PPFIBP2: variants seen among roughly 807,000 people sequenced by gnomAD.
The protein encoded by PPFIBP2 is PPFIB scaffold protein 2, also known as liprin-beta-2.
In PPFIBP2, 118 loss-of-function variants were observed where a neutral mutation model predicts 118.3. The ratio of observed to expected loss-of-function variants is 1.00; its 90% CI spans 0.86 to 1.16. The LOEUF (loss-of-function observed/expected upper bound fraction) is 1.16. PPFIBP2 is among the 50% of genes most tolerant of loss of function. PPFIBP2 has a pLI of 0.00. For missense variants in PPFIBP2, 1,195 were observed against 1,073.1 expected (o/e 1.11, Z -1.59); for synonymous variants, 414 against 397.4 (o/e 1.04, Z -0.50).
rs372507508 is a variant in PPFIBP2 at position 7,569,926 on chromosome 11, C to G, written c.279+4159C>G. On this transcript the variant is annotated intron_variant, in intron 3 of 23. Coordinates refer to ENST00000299492, the MANE Select transcript of PPFIBP2 (RefSeq NM_003621.5). ...TGTGGTTATTTCAGTTCAGGAGCCC[C>G]AGAACCCCACAGGTGGTCCTGAAGC... 6.6e-5 allele frequency among the ~76,000 whole-genome samples: 10 copies of G among 152,276 alleles called. No individual in the cohort carries two copies. The South Asian group carries it at 2.1e-3, about 32-fold the overall frequency.
chr11:7,642,482 C>G, intron 17 of PPFIBP2, 56 bp downstream of exon 17: 1 of 1,556,554 alleles, frequency 6.4e-7, no homozygotes, highest in Non-Finnish European at 8.7e-7. Context: ...AAGTATCTCC[C>G]TTCAAACCTG....
intron 5 of PPFIBP2, among the ~76,000 whole-genome samples, chr11:7,604,974 G>A (rs1162673638): frequency 6.6e-6 from 1 of 152,226 alleles, no homozygotes; most frequent in Non-Finnish European, 1.5e-5. Context: ...TTATCAAGTT[G>A]TATGGGAATG....
intron 14 of PPFIBP2, among the ~76,000 whole-genome samples, chr11:7,636,030 T>C (rs560601649): frequency 6.6e-6 from 1 of 152,172 alleles, no homozygotes; most frequent in Admixed American, 6.5e-5. Flanking sequence ...GGACTGATCT[T>C]CTCCAGGGAA....
chr11:7,587,467 C>T (rs1020749511), intron 3 of PPFIBP2, among the ~76,000 whole-genome samples: 2 of 152,200 alleles, frequency 1.3e-5, no homozygotes, highest in Admixed American at 6.5e-5. Flanking sequence ...CCTTTTGAGA[C>T]AAATGTATTA....
intron 1 of PPFIBP2, among the ~76,000 whole-genome samples, chr11:7,524,952 A>G (rs1450002500): frequency 6.6e-6 from 1 of 152,170 alleles, no homozygotes; most frequent in African/African-American, 2.4e-5. Context: ...TGGTTCTTGG[A>G]TGCATGTGCT....
At chr11:7,544,616 T>C (rs1035681703) in intron 1 of PPFIBP2, among the ~76,000 whole-genome samples, 1 of 151,664 alleles carries the variant, frequency 6.6e-6, no homozygotes, top group African/African-American at 2.4e-5. Flanking sequence ...CTACTAAAAA[T>C]ACAGAAAATT....
intron 1 of PPFIBP2, among the ~76,000 whole-genome samples, chr11:7,524,554 C>G (rs541440680): frequency 3.3e-5 from 5 of 152,282 alleles, no homozygotes; most frequent in South Asian, 2.1e-4. Flanking sequence ...AGTAAAGACA[C>G]TTTTGAAGGT....
At position 7,630,807 on chromosome 11, in the gene PPFIBP2, T is replaced by TA. The variant is rs1850652836; in HGVS notation, c.965-118_965-117insA. ...TTCAGAATCACACTCTTACTGTCCC[T>TA]TTATATATTTCTTAGTCCTTCTTAA... On this transcript the variant is annotated intron_variant, in intron 10 of 23. Transcript: ENST00000299492. The TA allele has an allele frequency of 1.0e-5, 8 of 764,954 alleles. No individual in the cohort carries two copies. In the Admixed American group the frequency reaches 1.5e-4, roughly 15 times the overall value. The allele number at this position is 764,954 out of a possible 1,614,324, so 47.4% of individuals were successfully genotyped here. A position where few individuals can be genotyped will look rare whatever the true frequency, so the allele number is the denominator to read the frequency against.
chr11:7,557,605 C>G (rs58774914), intron 2 of PPFIBP2, among the ~76,000 whole-genome samples: 39,510 of 151,588 alleles, frequency 0.26, 5,406 homozygotes, highest in African/African-American at 0.32. Flanking sequence ...AATTCTCAGC[C>G]TCCTGAGTAA....
intron 9 of PPFIBP2, 82 bp from the exon 10 acceptor site, chr11:7,629,375 CAA>C: frequency 7.5e-7 from 1 of 1,332,310 alleles, no homozygotes; most frequent in Non-Finnish European, 1.1e-6. Context: ...CTCCTTGTGC[CAA>C]GAACATAGCG....
At chr11:7,563,984 T>G (rs1854642192) in intron 2 of PPFIBP2, among the ~76,000 whole-genome samples, 1 of 152,008 alleles carries the variant, frequency 6.6e-6, no homozygotes, top group African/African-American at 2.4e-5. Context: ...GCTAACACAG[T>G]GAAACCCCAT....
chr11:7,554,396 G>A (rs941074940), intron 2 of PPFIBP2, among the ~76,000 whole-genome samples: 1 of 152,164 alleles, frequency 6.6e-6, no homozygotes, highest in Admixed American at 6.5e-5. Context: ...ACAGTAGGCT[G>A]GGTTACTGTT....
chr11:7,554,594 TGCGCAAGTGGTAAA>T (rs1853367932), intron 2 of PPFIBP2, among the ~76,000 whole-genome samples: 1 of 152,100 alleles, frequency 6.6e-6, no homozygotes, highest in African/African-American at 2.4e-5. Context: ...GACATCCTAA[TGCGCAAGTGGTAAA>T]TATGCCCCTC....
chr11:7,639,974 A>G, intron 15 of PPFIBP2, 104 bp downstream of exon 15: 1 of 1,464,134 alleles, frequency 6.8e-7, no homozygotes, highest in Non-Finnish European at 9.1e-7. Flanking sequence ...ACAATTGGAG[A>G]ATGGTGGGGT....
downstream of PPFIBP2, among the ~76,000 whole-genome samples, chr11:7,659,336 G>A (rs1340997464): frequency 1.4e-5 from 2 of 146,888 alleles, no homozygotes; most frequent in Non-Finnish European, 3.0e-5. Context: ...GTGTAAGGAA[G>A]GGATCCAGTT....
At chr11:7,664,766 G>C in the PPFIBP2 span, among the ~76,000 whole-genome samples, 1 of 151,842 alleles carries the variant, frequency 6.6e-6, no homozygotes, top group South Asian at 2.1e-4. Context: ...GGATCCCCAA[G>C]GAGACAGTGA....
chr11:7,650,448 T>A (rs1382792064), intron 21 of PPFIBP2, among the ~76,000 whole-genome samples: 2 of 152,224 alleles, frequency 1.3e-5, no homozygotes, highest in Non-Finnish European at 2.9e-5. Flanking sequence ...TGTGCTCCCC[T>A]AAAATCATTG....
chr11:7,562,241 C>T (rs1353735307), intron 2 of PPFIBP2, among the ~76,000 whole-genome samples: 1 of 152,190 alleles, frequency 6.6e-6, no homozygotes, highest in African/African-American at 2.4e-5. Context: ...GCTGGGAACA[C>T]CTGGGCTGGA....
At chr11:7,593,619 G>T (rs1355611419) in intron 4 of PPFIBP2, among the ~76,000 whole-genome samples, 2 of 152,166 alleles carry the variant, frequency 1.3e-5, no homozygotes, top group African/African-American at 4.8e-5. Flanking sequence ...GGGTGATACA[G>T]GCCTAAGGGT....
Sources: allele counts gnomAD v4.1 joint callset (sites outside exome capture counted in the v4.1 genomes callset), GRCh38; gene constraint gnomAD v4.1.1; transcripts MANE v1.5; gene names NCBI Gene and HGNC (gene_info 2026-07-23, HGNC 2026-07-21).